The following SERPINE2 variants were observed in gnomAD, a reference collection of about 807,000 sequenced individuals.
SERPINE2 encodes the protein glia-derived nexin.
Under a neutral mutation model 36.3 loss-of-function variants are expected in SERPINE2, and 14 were observed. The observed-to-expected ratio is 0.39, with a 90% CI of 0.25 to 0.60. SERPINE2 has a LOEUF of 0.60. Among genes scored for constraint, SERPINE2 ranks in the 20% least tolerant of loss-of-function variants. The pLI, the probability that SERPINE2 is intolerant of heterozygous loss-of-function variation, is 0.57. For missense variants in SERPINE2, 418 were observed against 499.6 expected, an observed-to-expected ratio of 0.84 and a Z score of 1.56; for synonymous variants, 192 against 191.8, an observed-to-expected ratio of 1.00 and a Z score of -0.01.
intron 4 of SERPINE2, among the ~76,000 whole-genome samples, chr2:223,989,200 T>C (rs1358360706): frequency 6.6e-6 from 1 of 152,258 alleles, no homozygotes; most frequent in East Asian, 1.9e-4. Flanking sequence ...ACTTCTACTT[T>C]ATGGGGCATA....
In SERPINE2 at chr2:224,026,696, C is replaced by T. The variant is rs146983403; in HGVS notation, c.-23+12403G>A. Among the ~76,000 whole-genome samples, 101 of 152,296 alleles carry T rather than the reference C, an allele frequency of 6.6e-4. 1 individual carries two copies. The East Asian group carries it at 0.012, about 18-fold the overall frequency. On this transcript the variant is annotated intron_variant, in intron 1 of 8. Coordinates refer to ENST00000409304, the MANE Select transcript of SERPINE2 (RefSeq NM_001136528.2). ...AAACTTCTGTATTTCAGTGCCTTTT[C>T]GTGACATACTCAGAAATTGCTCAGG...
chr2:224,037,166 T>C (rs952953437), intron 1 of SERPINE2, among the ~76,000 whole-genome samples: 8 of 152,186 alleles, frequency 5.3e-5, no homozygotes, highest in East Asian at 3.8e-4. Flanking sequence ...CCAGACACAG[T>C]AGATGCTTAA....
intron 3 of SERPINE2, among the ~76,000 whole-genome samples, chr2:223,996,720 G>A (rs13432693): frequency 3.9e-5 from 6 of 152,040 alleles, no homozygotes; most frequent in African/African-American, 1.4e-4. Flanking sequence ...CCTGAAAGGC[G>A]ACAGTTTCCC....
intron 4 of SERPINE2, among the ~76,000 whole-genome samples, chr2:223,986,495 G>A (rs779418545): frequency 1.3e-5 from 2 of 151,714 alleles, no homozygotes; most frequent in Non-Finnish European, 3.0e-5. Context: ...GGGAAAGTGA[G>A]AAAAAAATCA....
intron 1 of SERPINE2, among the ~76,000 whole-genome samples, chr2:224,024,859 A>G (rs746196369): frequency 1.3e-5 from 2 of 152,238 alleles, no homozygotes; most frequent in Non-Finnish European, 2.9e-5. Flanking sequence ...AACCTCTGGT[A>G]TAAGAAACTG....
chr2:224,007,459 G>A (rs1383354818), intron 1 of SERPINE2, among the ~76,000 whole-genome samples: 2 of 151,994 alleles, frequency 1.3e-5, no homozygotes, highest in Non-Finnish European at 2.9e-5. Flanking sequence ...ATTAACTCAC[G>A]GCTTGGTTTA....
At chr2:224,029,901 T>C (rs968171686) in intron 1 of SERPINE2, among the ~76,000 whole-genome samples, 9 of 152,210 alleles carry the variant, frequency 5.9e-5, no homozygotes, top group African/African-American at 2.2e-4. Flanking sequence ...GGTTTCACTA[T>C]GTTCAGGCTG....
intron 6 of SERPINE2, chr2:223,980,718 G>A (rs374424674): frequency 5.6e-4 from 117 of 208,104 alleles, no homozygotes; most frequent in African/African-American, 2.3e-3. Context: ...AAGGAAGCCC[G>A]GTTTTCTGGA....
chr2:223,992,520 A>G (rs1300047282), intron 3 of SERPINE2, among the ~76,000 whole-genome samples: 1 of 152,112 alleles, frequency 6.6e-6, no homozygotes, highest in African/African-American at 2.4e-5. Context: ...TTCTCTTAAG[A>G]TTTTAGAAAC....
chr2:223,977,674 T>C (rs368911057), intron 7 of SERPINE2, 47 bp from the exon 8 acceptor site: 7 of 1,345,496 alleles, frequency 5.2e-6, no homozygotes, highest in East Asian at 2.3e-5. Context: ...CATGAGACCA[T>C]GTAAGCATAA....
chr2:223,994,036 C>T (rs1229353538), intron 3 of SERPINE2, among the ~76,000 whole-genome samples: 2 of 152,174 alleles, frequency 1.3e-5, no homozygotes, highest in Non-Finnish European at 2.9e-5. Flanking sequence ...TCCTACTTGC[C>T]TTTAAGACAT....
chr2:224,001,450 T>A (rs1219174333), intron 2 of SERPINE2, 192 bp downstream of exon 2: 3 of 584,236 alleles, frequency 5.1e-6, no homozygotes, highest in East Asian at 5.8e-5. Context: ...GACCAGAGTC[T>A]AGTTCTCCTA....
intron 6 of SERPINE2, chr2:223,981,970 C>T (rs968374618): frequency 2.0e-5 from 3 of 151,238 alleles, no homozygotes; most frequent in African/African-American, 7.3e-5. Context: ...ACACCTAAGT[C>T]AGAGCCAATA....
At chr2:224,007,170 ATAAG>A (rs1270508284) in intron 1 of SERPINE2, among the ~76,000 whole-genome samples, 5 of 152,226 alleles carry the variant, frequency 3.3e-5, no homozygotes, top group African/African-American at 1.2e-4. Context: ...ATGTAGCATA[ATAAG>A]TAAGTTGTAG....
In SERPINE2 at chr2:224,016,398, C is replaced by T. The variant is rs551057508; in HGVS notation, c.-22-14476G>A. 5.3e-5 allele frequency among the ~76,000 whole-genome samples: 8 copies of T among 151,820 alleles called. No individual in the cohort carries two copies. In the East Asian group the frequency reaches 1.2e-3, roughly 22 times the overall value. ...GCAGGTGCCTATAATCCCAGCTACTCGGGAGGCTGAAGCAGGAGAATCGCT... is the reference window on the plus strand; with the variant it reads ...GCAGGTGCCTATAATCCCAGCTACTTGGGAGGCTGAAGCAGGAGAATCGCT... On this transcript the variant is annotated intron_variant, in intron 1 of 8. Coordinates refer to ENST00000409304, the MANE Select transcript of SERPINE2 (RefSeq NM_001136528.2).
intron 1 of SERPINE2, among the ~76,000 whole-genome samples, chr2:224,038,038 T>C (rs952756882): frequency 6.6e-6 from 1 of 152,190 alleles, no homozygotes; most frequent in Non-Finnish European, 1.5e-5. Flanking sequence ...GTGTTGAAAC[T>C]GTCTTCAATT....
intron 1 of SERPINE2, chr2:224,030,021 G>T (rs920036073): frequency 8.1e-6 from 8 of 982,508 alleles, no homozygotes; most frequent in Non-Finnish European, 9.7e-6. Flanking sequence ...ACATTTATTC[G>T]TTATTCACAA....
chr2:224,028,532 C>T (rs570194135), intron 1 of SERPINE2, among the ~76,000 whole-genome samples: 26 of 152,260 alleles, frequency 1.7e-4, no homozygotes, highest in Non-Finnish European at 3.1e-4. Context: ...CTGAAGATAG[C>T]GTTTCAGGAT....
rs1689959271 is a variant in SERPINE2, at chr2:223,975,274, CAGG to C, written c.*590_*592del. 2 of 152,460 alleles carry C rather than the reference CAGG, an allele frequency of 1.3e-5. No individual in the cohort carries two copies. The highest frequency in any genetic ancestry group is 4.8e-5 in the African/African-American group (2 of 41,378). 9.4% of individuals were successfully genotyped at this position (152,460 alleles called of 1,614,324 possible). A position where few individuals can be genotyped will look rare whatever the true frequency, so the allele number is the denominator to read the frequency against. On this transcript the variant is annotated 3_prime_UTR_variant, in exon 9 of 9. Transcript: ENST00000409304. ...ACAACAGCAACCTTGTCTAGCAAGA[CAGG>C]AGTTTTTTAAATTTTATTTTAGTGA...
Sources: gnomAD v4.1 joint callset for allele counts (sites outside exome capture counted in the v4.1 genomes callset) on GRCh38, gnomAD v4.1.1 for gene constraint, MANE v1.5 for transcripts, NCBI Gene and HGNC (gene_info 2026-07-23, HGNC 2026-07-21) for gene names.